The following FOXN3 variants were observed in gnomAD, a reference collection of about 807,000 sequenced individuals.
FOXN3 encodes forkhead box N3, also known as forkhead box protein N3.
Under a neutral mutation model 38.4 loss-of-function variants are expected in FOXN3, and 7 were observed. The observed-to-expected ratio is 0.18, with a 90% CI of 0.10 to 0.34. The LOEUF (loss-of-function observed/expected upper bound fraction) is 0.34. Among genes scored for constraint, FOXN3 ranks in the 10% least tolerant of loss-of-function variants. The probability of loss-of-function intolerance (pLI) is 1.00; values close to 1 mark genes in which losing one functional copy is unlikely to be tolerated. For synonymous variants in FOXN3, 230 were observed against 242.2 expected (o/e 0.95, Z 0.47); for missense variants, 456 against 613.4 (o/e 0.74, Z 2.71).
chr14:89,501,710 A>G (rs995682358), intron 1 of FOXN3, among the ~76,000 whole-genome samples: 7 of 152,094 alleles, frequency 4.6e-5, no homozygotes, highest in African/African-American at 1.7e-4. Context: ...ACTGGTGGAA[A>G]GCTAGCAGGG....
chr14:89,208,158 A>G lies in FOXN3; in HGVS notation c.746-27352T>C, dbSNP rs149391100. On this transcript the variant is annotated intron_variant, in intron 4 of 5. Coordinates refer to ENST00000557258, the MANE Select transcript of FOXN3 (RefSeq NM_005197.4). Reference sequence around the variant, plus strand: ...ATTATAGTTCTCTTTTTAAAATGTGACCACAGTATCCAAATTGACCTCTTG... The same window carrying G: ...ATTATAGTTCTCTTTTTAAAATGTGGCCACAGTATCCAAATTGACCTCTTG... 2.8e-3 allele frequency among the ~76,000 whole-genome samples: 428 copies of G among 152,292 alleles called. 6 individuals are homozygous for G. The highest frequency in any genetic ancestry group is 9.4e-3 in the African/African-American group (392 of 41,564).
chr14:89,424,037 ATAAAT>A (rs774560932), intron 1 of FOXN3, among the ~76,000 whole-genome samples: 1 of 152,372 alleles, frequency 6.6e-6, no homozygotes, highest in Non-Finnish European at 1.5e-5. Flanking sequence ...TATGTATTGA[ATAAAT>A]TAACTGAAGG....
rs543813152 is a variant in FOXN3 at position 89,373,294 on chromosome 14, A to G, written c.544-22486T>C. 5.2e-3 allele frequency among the ~76,000 whole-genome samples: 778 copies of G among 149,288 alleles called. 5 individuals carry two copies. The highest frequency in any genetic ancestry group is 8.8e-3 in the Non-Finnish European group (594 of 67,548). The stretch of plus-strand genomic sequence containing the variant: ...GTAAGACTTCTTCATCTAAGGCCAA[A>G]TGATCAAGTGAAAGCTATCACAGCT... On this transcript the variant is annotated intron_variant, in intron 2 of 5. Transcript: ENST00000557258.
In FOXN3 at chr14:89,180,744, G is replaced by A. The variant is rs142179906; in HGVS notation, c.808C>T (p.Arg270Trp). The A allele has an allele frequency of 3.7e-6, 6 of 1,611,786 alleles. No individual in the cohort carries two copies. Among genetic ancestry groups the A allele is most frequent in the African/African-American group, 2.7e-5 (2 of 74,866 alleles). ...CCAATGGGAGTGATTGGCAGCGGCC[G>A]CACGCCAGGAAACAGCCCTCGGCTC... ...VLSRGLFPGV[R>W]PLPITPIGVT... The change falls in exon 5 of 6, where the codon CGG (arginine) becomes TGG (tryptophan). Residue 270 changes from arginine to tryptophan, a missense_variant. By Grantham distance (101) the Arg-to-Trp change is moderately radical. Transcript: ENST00000557258.
chr14:89,610,932 TTAGTTCCATC>T (rs768251196), intron 1 of FOXN3, among the ~76,000 whole-genome samples: 4 of 152,262 alleles, frequency 2.6e-5, no homozygotes, highest in Non-Finnish European at 4.4e-5. Flanking sequence ...GAAATATTAA[TTAGTTCCATC>T]AAGTTCTGAT....
rs961302803 is a variant in FOXN3 at position 89,484,552 on chromosome 14, A to G, written c.-14-72062T>C. On this transcript the variant is annotated intron_variant, in intron 1 of 6. Transcript: ENST00000345097. This position sits in a 1 kb window ranked among gnomAD's most constrained non-coding sequence, Gnocchi z 4.0. ...CATTCTTAGTACATTGGCGATGCAC[A>G]GACAGGCGGCAGGCAGTATTTGGCC... 6.6e-6 allele frequency among the ~76,000 whole-genome samples: 1 copy of G among 152,264 alleles called. No homozygotes were observed. Among genetic ancestry groups the G allele is most frequent in the Non-Finnish European group, 1.5e-5 (1 of 68,044 alleles).
At chr14:89,573,930 CT>C (rs1201956951) in intron 1 of FOXN3, among the ~76,000 whole-genome samples, 2 of 152,004 alleles carry the variant, frequency 1.3e-5, no homozygotes, top group African/African-American at 4.8e-5. Flanking sequence ...ACTCAGGAGG[CT>C]AAGGCAGGAG....
rs114083827 is a variant in FOXN3 at position 89,351,676 on chromosome 14, C to T, written c.544-868G>A. Among the ~76,000 whole-genome samples the T allele has an allele frequency of 4.1e-3, 627 of 152,254 alleles. 1 individual carries two copies. Among genetic ancestry groups the T allele is most frequent in the African/African-American group, 0.014 (592 of 41,544 alleles). On this transcript the variant is annotated intron_variant, in intron 2 of 5. Coordinates refer to ENST00000557258, the MANE Select transcript of FOXN3 (RefSeq NM_005197.4). ...CTCTGGCCGCACACTTTCAAGTGAC[C>T]GAATGTACCCAAACTGTTTGATAAG... is the stretch of plus-strand genomic sequence containing the variant.
At chr14:89,501,852 A>C (rs530335834) in intron 1 of FOXN3, among the ~76,000 whole-genome samples, 23 of 151,596 alleles carry the variant, frequency 1.5e-4, no homozygotes, top group Non-Finnish European at 3.1e-4. Context: ...CCATCTCAAA[A>C]AAACAAACAA....
chr14:89,162,384 G>T lies in FOXN3; in HGVS notation c.*30C>A, dbSNP rs756684594. 3 of 1,498,116 alleles carry T rather than the reference G, an allele frequency of 2.0e-6. No homozygotes were observed. The highest frequency in any genetic ancestry group is 1.4e-5 in the South Asian group (1 of 72,370). 92.8% of individuals were successfully genotyped at this position (1,498,116 alleles called of 1,614,324 possible). ...CCTGACATGCTGAAACCAAATGGTC[G>T]TAAGTTCAAAACAAATCAGTGACTT... On this transcript the variant is annotated 3_prime_UTR_variant, in exon 6 of 6. Transcript: ENST00000557258. The surrounding 1 kb of genome is among the most constrained non-coding windows in gnomAD (Gnocchi z 7.2).
chr14:89,427,441 G>T (rs1336734773), intron 1 of FOXN3, among the ~76,000 whole-genome samples: 3 of 147,832 alleles, frequency 2.0e-5, no homozygotes, highest in Non-Finnish European at 3.0e-5. Context: ...AAGTAGGTGG[G>T]ATTACAGGCC....
chr14:89,554,771 T>G (rs1483796517), intron 1 of FOXN3, among the ~76,000 whole-genome samples: 1 of 145,200 alleles, frequency 6.9e-6, no homozygotes, highest in African/African-American at 2.5e-5. Flanking sequence ...TCTATGTAAA[T>G]ACTAGCATTT....
intron 3 of FOXN3, chr14:89,291,024 C>T (rs1413199473): frequency 4.3e-6 from 2 of 463,506 alleles, no homozygotes; most frequent in Non-Finnish European, 4.3e-6. Context: ...CTCCTTGACT[C>T]ATGCTTGAAA....
intron 1 of FOXN3, among the ~76,000 whole-genome samples, chr14:89,495,711 A>G (rs1190357338): frequency 6.6e-6 from 1 of 152,198 alleles, no homozygotes; most frequent in African/African-American, 2.4e-5. Context: ...CAATGCCCTT[A>G]CATTCCTCTA....
At chr14:89,585,395 T>C (rs918412737) in intron 1 of FOXN3, among the ~76,000 whole-genome samples, 3 of 152,228 alleles carry the variant, frequency 2.0e-5, no homozygotes, top group African/African-American at 7.2e-5. Context: ...TATTTGTTGT[T>C]GTTTTTAATA....
chr14:89,306,466 C>T (rs1376633281), intron 3 of FOXN3, among the ~76,000 whole-genome samples: 2 of 152,084 alleles, frequency 1.3e-5, no homozygotes, highest in Non-Finnish European at 2.9e-5. Flanking sequence ...CTCCTGGGTT[C>T]ACGCTATTCT....
chr14:89,424,055 GCAA>G (rs1470707076), intron 1 of FOXN3, among the ~76,000 whole-genome samples: 3 of 152,290 alleles, frequency 2.0e-5, no homozygotes, highest in East Asian at 3.9e-4. Flanking sequence ...ACTGAAGGAA[GCAA>G]CAATGTATTT....
chr14:89,601,819 G>A (rs1239308834), intron 1 of FOXN3, among the ~76,000 whole-genome samples: 1 of 151,908 alleles, frequency 6.6e-6, no homozygotes, highest in Non-Finnish European at 1.5e-5. Context: ...TCTGGGGCAG[G>A]GTCTTATCTC....
chr14:89,335,075 TATCACACACACACACACACA>T (rs1888406312), intron 3 of FOXN3, among the ~76,000 whole-genome samples: 2 of 136,168 alleles, frequency 1.5e-5, no homozygotes, highest in South Asian at 2.2e-4. Context: ...ACTATTTTCA[TATCACACACACACACACACA>T]CACACACACA....
Sources: allele counts gnomAD v4.1 joint callset (sites outside exome capture counted in the v4.1 genomes callset), GRCh38; gene constraint gnomAD v4.1.1; non-coding constraint Gnocchi (gnomAD v3.1); transcripts MANE v1.5; gene names NCBI Gene and HGNC (gene_info 2026-07-23, HGNC 2026-07-21).